The following STXBP5L variants were observed in gnomAD, a reference collection of about 807,000 sequenced individuals.
The protein encoded by STXBP5L is syntaxin-binding protein 5-like.
In STXBP5L, 65 loss-of-function variants were observed where a neutral mutation model predicts 144.5. That is an observed-to-expected ratio of 0.45 (90% confidence interval 0.37 to 0.55). STXBP5L has a LOEUF of 0.55. Among genes scored for constraint, STXBP5L ranks in the 20% least tolerant of loss-of-function variants. The pLI is 0.00. For missense variants in STXBP5L, 1,298 were observed against 1,405.5 expected (o/e 0.92, Z 1.22); for synonymous variants, 505 against 469.6 (o/e 1.08, Z -0.97).
At chr3:121,107,413 C>T (rs1415045115) in intron 5 of STXBP5L, among the ~76,000 whole-genome samples, 2 of 152,024 alleles carry the variant, frequency 1.3e-5, no homozygotes, top group Admixed American at 1.3e-4. Flanking sequence ...GGAAGGGATC[C>T]AGTTTCAATT....
chr3:121,399,725 C>G (rs2046823783), intron 22 of STXBP5L, among the ~76,000 whole-genome samples: 1 of 152,192 alleles, frequency 6.6e-6, no homozygotes, highest in African/African-American at 2.4e-5. Context: ...CTGGGAGGGC[C>G]AGGTGTTCCT....
chr3:121,194,183 C>G (rs2047828281), intron 9 of STXBP5L, among the ~76,000 whole-genome samples: 1 of 152,086 alleles, frequency 6.6e-6, no homozygotes, highest in East Asian at 1.9e-4. Flanking sequence ...ACCAGTTACT[C>G]CCCTTTCTCT....
chr3:121,147,976 T>C (rs1043089135), intron 7 of STXBP5L, among the ~76,000 whole-genome samples: 2 of 152,042 alleles, frequency 1.3e-5, no homozygotes, highest in Admixed American at 1.3e-4. Context: ...GGTTCTCAGG[T>C]CTTCAGACTC....
rs2047020441 is a variant in STXBP5L at position 121,407,524 on chromosome 3, C to T, written c.2869C>T (p.Leu957=). Reference sequence around the variant, plus strand: ...TAACATCACGGAGACATCTTTTATACTGCAAGCAAATGTGGTGGTCATGTG... The same window carrying T: ...TAACATCACGGAGACATCTTTTATATTGCAAGCAAATGTGGTGGTCATGTG... ...VHNITETSFI[L]QANVVVMCSS... The change falls in exon 23 of 27, where the codon CTG becomes TTG. Residue 957 remains leucine (L), a synonymous_variant. Transcript: ENST00000471454. The T allele has an allele frequency of 1.4e-5, 22 of 1,613,270 alleles. No individual in the cohort carries two copies. The East Asian group carries it at 4.9e-4, about 36-fold the overall frequency.
chr3:120,966,093 G>A (rs751877847), intron 3 of STXBP5L, among the ~76,000 whole-genome samples: 13 of 152,014 alleles, frequency 8.6e-5, no homozygotes, highest in Admixed American at 3.3e-4. Context: ...TTGTGCATGC[G>A]TCACAAAGTT....
chr3:121,357,388 A>G (rs1193975392), intron 20 of STXBP5L: 1 of 154,548 alleles, frequency 6.5e-6, no homozygotes, highest in Admixed American at 6.5e-5. Context: ...TGTCCTTTGG[A>G]TTGGCATTCC....
intron 7 of STXBP5L, among the ~76,000 whole-genome samples, chr3:121,130,279 C>A (rs2044918560): frequency 6.6e-6 from 1 of 152,058 alleles, no homozygotes. Flanking sequence ...CTGACATGCT[C>A]CTGGGCCCTT....
intron 20 of STXBP5L, among the ~76,000 whole-genome samples, chr3:121,337,082 C>T (rs1247986729): frequency 6.6e-6 from 1 of 152,042 alleles, no homozygotes; most frequent in Non-Finnish European, 1.5e-5. Flanking sequence ...AAAACAGACA[C>T]TGGGGTCTAC....
chr3:121,190,948 C>T (rs972482322), intron 9 of STXBP5L, among the ~76,000 whole-genome samples: 26 of 151,368 alleles, frequency 1.7e-4, no homozygotes, highest in South Asian at 6.3e-4. Flanking sequence ...GACGGGGCGG[C>T]GGGGCAGAGG....
intron 9 of STXBP5L, among the ~76,000 whole-genome samples, chr3:121,200,187 A>C (rs1310851386): frequency 6.6e-6 from 1 of 152,050 alleles, no homozygotes; most frequent in African/African-American, 2.4e-5. Flanking sequence ...TCCAGGATTT[A>C]ACTTCTTCCT....
intron 20 of STXBP5L, among the ~76,000 whole-genome samples, chr3:121,334,211 C>A (rs1427140272): frequency 6.6e-6 from 1 of 152,084 alleles, no homozygotes; most frequent in Non-Finnish European, 1.5e-5. Context: ...TGTAAATTGT[C>A]CAGTCTTGGG....
intron 20 of STXBP5L, among the ~76,000 whole-genome samples, chr3:121,371,272 T>C (rs1206772962): frequency 1.3e-5 from 2 of 152,236 alleles, no homozygotes; most frequent in South Asian, 2.1e-4. Context: ...GGCAAGATTT[T>C]TGGGGACCAA....
chr3:120,963,532 T>C (rs1325778205), intron 3 of STXBP5L, among the ~76,000 whole-genome samples: 1 of 152,208 alleles, frequency 6.6e-6, no homozygotes, highest in Non-Finnish European at 1.5e-5. Context: ...GAGATAATCA[T>C]GTGGTTTTTG....
At chr3:121,055,459 A>C (rs562596135) in intron 5 of STXBP5L, among the ~76,000 whole-genome samples, 1 of 152,292 alleles carries the variant, frequency 6.6e-6, no homozygotes, top group South Asian at 2.1e-4. Context: ...TTGAAGGCAG[A>C]ATCCAGCCTT....
At chr3:121,401,637 C>T (rs1241095458) in intron 22 of STXBP5L, among the ~76,000 whole-genome samples, 3 of 124,400 alleles carry the variant, frequency 2.4e-5, no homozygotes, top group Admixed American at 8.8e-5. Flanking sequence ...AGTAAACTAT[C>T]GCAAGAACAA....
rs199628556 is a variant in STXBP5L, at chr3:121,233,704, A to T, written c.1184+16A>T. ...CACAAAGCAAGTAAGTTATCCATGT[A>T]CAGATTAACACTTTTAAACTCTATT... On this transcript the variant is annotated intron_variant, in intron 12 of 26. Coordinates refer to ENST00000471454, the MANE Select transcript of STXBP5L (RefSeq NM_001308330.2). 55 of 1,564,526 alleles carry T rather than the reference A, an allele frequency of 3.5e-5. No individual in the cohort carries two copies. In the African/African-American group the frequency reaches 6.9e-4, roughly 20 times the overall value.
intron 7 of STXBP5L, among the ~76,000 whole-genome samples, chr3:121,148,712 C>T (rs961302115): frequency 6.6e-6 from 1 of 152,018 alleles, no homozygotes; most frequent in African/African-American, 2.4e-5. Context: ...CTTTGGAAAA[C>T]TGCTTGGCAG....
chr3:121,233,195 A>T, intron 11 of STXBP5L, among the ~76,000 whole-genome samples: 1 of 152,184 alleles, frequency 6.6e-6, no homozygotes, highest in Non-Finnish European at 1.5e-5. Context: ...TCTTATACAG[A>T]TGTGAATGTA....
intron 20 of STXBP5L, among the ~76,000 whole-genome samples, chr3:121,359,699 A>G (rs1246640226): frequency 6.6e-6 from 1 of 151,944 alleles, no homozygotes; most frequent in Non-Finnish European, 1.5e-5. Flanking sequence ...TTTATTGAAG[A>G]TGCTGTCTTT....
Sources: allele counts gnomAD v4.1 joint callset (sites outside exome capture counted in the v4.1 genomes callset), GRCh38; gene constraint gnomAD v4.1.1; transcripts MANE v1.5; gene names NCBI Gene and HGNC (gene_info 2026-07-23, HGNC 2026-07-21).